The following LRRC37A2 variants were observed in gnomAD, a reference collection of about 807,000 sequenced individuals.
The protein encoded by LRRC37A2 is leucine rich repeat containing 37 member A2.
Under a neutral mutation model 68.8 loss-of-function variants are expected in LRRC37A2, and 9 were observed. That is an observed-to-expected ratio of 0.13 (90% CI 0.08 to 0.23). The LOEUF is 0.23. Ranked by LOEUF, LRRC37A2 falls within the 10% of genes least tolerant of loss-of-function variation. The pLI is 1.00. For synonymous variants in LRRC37A2, 63 were observed against 367.6 expected (o/e 0.17, Z 9.48); for missense variants, 168 against 950.4 (o/e 0.18, Z 10.82).
At chr17:46,536,828 A>T (rs1205707675) in intron 6 of LRRC37A2, among the ~76,000 whole-genome samples, 1 of 9,722 alleles carries the variant, frequency 1.0e-4, no homozygotes, top group Non-Finnish European at 1.6e-4. Context: ...GAACCACCAG[A>T]CAGATGACAT....
chr17:46,816,848 T>C, the LRRC37A2 span, among the ~76,000 whole-genome samples: 1 of 152,170 alleles, frequency 6.6e-6, no homozygotes, highest in Non-Finnish European at 1.5e-5. Flanking sequence ...AAAAACGGCA[T>C]GGCCTTGGCC....
At chr17:46,976,162 G>A in the LRRC37A2 span, among the ~76,000 whole-genome samples, 49 of 151,710 alleles carry the variant, frequency 3.2e-4, no homozygotes, top group Admixed American at 5.9e-4. Flanking sequence ...TCCTGATCTC[G>A]TGATCTGCCC....
At chr17:46,760,633 C>CAAAAAAAAAAA in the LRRC37A2 span, among the ~76,000 whole-genome samples, 16 of 61,092 alleles carry the variant, frequency 2.6e-4, no homozygotes, top group Non-Finnish European at 4.0e-4. Flanking sequence ...GACCCTATCT[C>CAAAAAAAAAAA]AAAAAAAAAA....
chr17:47,000,076 A>AAATAAAATAAAATAATAAAATAT, the LRRC37A2 span, among the ~76,000 whole-genome samples: 7 of 25,514 alleles, frequency 2.7e-4, no homozygotes, highest in Admixed American at 7.1e-4. Context: ...AAATAAAATA[A>AAATAAAATAAAATAATAAAATAT]AAAATAAAAT....
At chr17:46,883,127 C>G in the LRRC37A2 span, among the ~76,000 whole-genome samples, 3 of 150,684 alleles carry the variant, frequency 2.0e-5, no homozygotes, top group African/African-American at 4.9e-5. Flanking sequence ...TCCAGGTGCC[C>G]GCCACCACGC....
At chr17:46,949,408 A>G in the LRRC37A2 span, 12 of 152,172 alleles carry the variant, frequency 7.9e-5, no homozygotes, top group Non-Finnish European at 1.3e-4. Flanking sequence ...CAAGCCTCGG[A>G]AGTCATAGGG....
At chr17:46,707,071 G>A in the LRRC37A2 span, among the ~76,000 whole-genome samples, 964 of 151,844 alleles carry the variant, frequency 6.3e-3, 12 homozygotes, top group African/African-American at 0.021. Flanking sequence ...GGCTGGTCTC[G>A]AACTCCTGAC....
chr17:46,940,508 TA>T, the LRRC37A2 span: 22 of 1,613,742 alleles, frequency 1.4e-5, no homozygotes, highest in Non-Finnish European at 1.9e-5. Flanking sequence ...TGGTAATCCA[TA>T]AAATGGATTC....
the LRRC37A2 span, chr17:47,005,530 G>A: frequency 3.3e-5 from 5 of 152,248 alleles, no homozygotes; most frequent in African/African-American, 4.8e-5. Context: ...GATGCTCATC[G>A]GATTCCTGTC....
the LRRC37A2 span, among the ~76,000 whole-genome samples, chr17:46,793,259 G>C: frequency 8.8e-6 from 1 of 114,018 alleles, no homozygotes; most frequent in East Asian, 3.0e-4. Flanking sequence ...GGGCAACAGA[G>C]TGAGACCCTG....
the LRRC37A2 span, among the ~76,000 whole-genome samples, chr17:46,986,713 G>A: frequency 1.3e-5 from 2 of 152,244 alleles, no homozygotes; most frequent in Admixed American, 6.5e-5. Context: ...GGTAAAACCA[G>A]TGCTGCTTAT....
the LRRC37A2 span, among the ~76,000 whole-genome samples, chr17:46,850,609 C>A: frequency 0.46 from 70,084 of 152,034 alleles, 20,345 homozygotes; most frequent in East Asian, 0.88. Context: ...GATTTGACCC[C>A]GTGTTCGAGA....
At chr17:46,912,195 G>A in the LRRC37A2 span, among the ~76,000 whole-genome samples, 2 of 152,222 alleles carry the variant, frequency 1.3e-5, no homozygotes, top group Non-Finnish European at 2.9e-5. Flanking sequence ...GCCCCAAAGA[G>A]CAGCGGGTGC....
At chr17:46,870,207 G>A in the LRRC37A2 span, among the ~76,000 whole-genome samples, 18 of 152,144 alleles carry the variant, frequency 1.2e-4, no homozygotes, top group African/African-American at 4.3e-4. Flanking sequence ...TGAAACACAG[G>A]AATTGTGTGA....
chr17:46,891,556 A>T, the LRRC37A2 span, among the ~76,000 whole-genome samples: 6 of 152,314 alleles, frequency 3.9e-5, no homozygotes, highest in East Asian at 1.2e-3. Context: ...AGGGGCTCTC[A>T]TCTGGGCCCC....
the LRRC37A2 span, among the ~76,000 whole-genome samples, chr17:47,026,611 C>A: frequency 2.0e-4 from 30 of 152,258 alleles, no homozygotes; most frequent in African/African-American, 7.0e-4. Context: ...GAGATGGAGA[C>A]ATCAGCCAGA....
chr17:46,891,560 G>A, the LRRC37A2 span, among the ~76,000 whole-genome samples: 1 of 152,210 alleles, frequency 6.6e-6, no homozygotes, highest in South Asian at 2.1e-4. Context: ...GCTCTCATCT[G>A]GGCCCCTCAA....
chr17:46,991,835 T>C, the LRRC37A2 span, among the ~76,000 whole-genome samples: 1 of 152,258 alleles, frequency 6.6e-6, no homozygotes, highest in Non-Finnish European at 1.5e-5. Flanking sequence ...TGCATTCATG[T>C]ACACATGATC....
the LRRC37A2 span, among the ~76,000 whole-genome samples, chr17:46,887,469 A>C: frequency 6.6e-6 from 1 of 152,122 alleles, no homozygotes; most frequent in African/African-American, 2.4e-5. Context: ...TTTCTATAGC[A>C]ATCTCTCAGA....
Sources: allele counts gnomAD v4.1 joint callset (sites outside exome capture counted in the v4.1 genomes callset), GRCh38; gene constraint gnomAD v4.1.1; transcripts MANE v1.5; gene names NCBI Gene and HGNC (gene_info 2026-07-23, HGNC 2026-07-21).